PLEKHA6: variants seen among roughly 807,000 people sequenced by gnomAD.
PLEKHA6 encodes pleckstrin homology domain containing A6, also known as pleckstrin homology domain-containing family A member 6.
Under a neutral mutation model 116.7 loss-of-function variants are expected in PLEKHA6, and 60 were observed. The observed-to-expected ratio is 0.51, with a 90% CI of 0.42 to 0.64. The LOEUF is 0.64. Ranked by LOEUF, PLEKHA6 falls within the 30% of genes least tolerant of loss-of-function variation. The probability of loss-of-function intolerance (pLI) is 0.00; values close to 1 mark genes in which losing one functional copy is unlikely to be tolerated. For missense variants in PLEKHA6, 1,338 were observed against 1,422.7 expected (o/e 0.94, Z 0.96); for synonymous variants, 489 against 556.1 (o/e 0.88, Z 1.70).
At chr1:204,348,268 C>T (rs1415385767) in intron 1 of PLEKHA6, among the ~76,000 whole-genome samples, 2 of 152,240 alleles carry the variant, frequency 1.3e-5, no homozygotes, top group African/African-American at 4.8e-5. Flanking sequence ...CCCTCTGCAA[C>T]CTTCTCCTCA....
At chr1:204,255,877 C>T (rs139072284) in intron 9 of PLEKHA6, among the ~76,000 whole-genome samples, 63 of 152,280 alleles carry the variant, frequency 4.1e-4, no homozygotes, top group African/African-American at 1.4e-3. Flanking sequence ...CTCTACTGGA[C>T]ACTCCAGGAG....
intron 1 of PLEKHA6, among the ~76,000 whole-genome samples, chr1:204,357,688 G>A (rs1485272333): frequency 6.6e-6 from 1 of 152,242 alleles, no homozygotes; most frequent in Non-Finnish European, 1.5e-5. Context: ...ACAACAGGCA[G>A]TGAGGAAGAC....
chr1:204,323,997 T>G (rs1435924592), intron 1 of PLEKHA6, among the ~76,000 whole-genome samples: 1 of 152,170 alleles, frequency 6.6e-6, no homozygotes, highest in Non-Finnish European at 1.5e-5. Flanking sequence ...TCAATTCTAA[T>G]TACAAGCATA....
intron 1 of PLEKHA6, chr1:204,313,843 T>G: frequency 3.8e-6 from 1 of 263,840 alleles, no homozygotes; most frequent in Non-Finnish European, 5.9e-6. Context: ...TCCCCGGGGA[T>G]CCTCTTACAG....
chr1:204,291,533 A>G (rs1669753841), intron 1 of PLEKHA6, among the ~76,000 whole-genome samples: 1 of 152,252 alleles, frequency 6.6e-6, no homozygotes, highest in Admixed American at 6.5e-5. Context: ...TCAAATGTCC[A>G]TGAAAACCTG....
chr1:204,307,928 C>G (rs1159519853), intron 1 of PLEKHA6: 1 of 981,258 alleles, frequency 1.0e-6, no homozygotes, highest in Non-Finnish European at 1.2e-6. Flanking sequence ...AGCTTAAGAG[C>G]AGAGATTTTG....
intron 1 of PLEKHA6, among the ~76,000 whole-genome samples, chr1:204,374,223 G>T (rs1337992305): frequency 6.6e-6 from 1 of 152,192 alleles, no homozygotes; most frequent in Non-Finnish European, 1.5e-5. Context: ...GCACCGGGCT[G>T]ATGGGGGAAC....
Position 204,228,020 on chromosome 1 carries a change from C to T in PLEKHA6, c.3031+63G>A. 6.5e-7 allele frequency: 1 copy of T among 1,544,784 alleles called. No homozygotes were observed. Among genetic ancestry groups the T allele is most frequent in the South Asian group, 1.2e-5 (1 of 85,602 alleles). ...CCCCCCTTGTAGCAGTGCCACGCTTCCTCCCTTAAACCTGGTCAGCTGGTT... is the reference window on the plus strand; with the variant it reads ...CCCCCCTTGTAGCAGTGCCACGCTTTCTCCCTTAAACCTGGTCAGCTGGTT... On this transcript the variant is annotated intron_variant, in intron 21 of 22. Coordinates refer to ENST00000272203, the MANE Select transcript of PLEKHA6 (RefSeq NM_014935.5). This position sits in a 1 kb window ranked among gnomAD's most constrained non-coding sequence, Gnocchi z 4.0.
At chr1:204,356,584 T>TAA (rs201831151) in intron 1 of PLEKHA6, among the ~76,000 whole-genome samples, 2,228 of 127,592 alleles carry the variant, frequency 0.017, 64 homozygotes, top group African/African-American at 0.068. Flanking sequence ...AATAATAATA[T>TAA]TAATAATAAT....
intron 10 of PLEKHA6, 152 bp downstream of exon 10, chr1:204,250,394 G>C (rs1010932916): frequency 4.6e-6 from 3 of 645,982 alleles, no homozygotes; most frequent in Non-Finnish European, 8.4e-6. Flanking sequence ...GAGAAGACAT[G>C]AATCAAAGGT....
chr1:204,331,071 A>G (rs1672430427), intron 1 of PLEKHA6, among the ~76,000 whole-genome samples: 1 of 152,048 alleles, frequency 6.6e-6, no homozygotes, highest in Non-Finnish European at 1.5e-5. Flanking sequence ...TTGGCGGCGC[A>G]TGCCTCTAAT....
rs58973900 is a variant in PLEKHA6, at chr1:204,372,913, CTT to C, written c.84-1309_84-1308del. Among the ~76,000 whole-genome samples, 812 of 132,506 alleles carry C rather than the reference CTT, an allele frequency of 6.1e-3. 2 individuals carry two copies. The highest frequency in any genetic ancestry group is 0.012 in the Middle Eastern group (3 of 256). 86.9% of individuals were successfully genotyped at this position (132,506 alleles called of 152,430 possible). A position where few individuals can be genotyped will look rare whatever the true frequency, so the allele number is the denominator to read the frequency against. ...CAATCATACATCTTTCCCTGAAAAA[CTT>C]TTTTTTTTTTTTTTGACGGTCTCAC... On this transcript the variant is annotated intron_variant, in intron 1 of 4. Coordinates refer to the PLEKHA6 transcript ENST00000564627.
chr1:204,330,163 G>C (rs1295923313), intron 1 of PLEKHA6, among the ~76,000 whole-genome samples: 1 of 152,074 alleles, frequency 6.6e-6, no homozygotes, highest in Non-Finnish European at 1.5e-5. Flanking sequence ...CTTTACACTT[G>C]ATCTTAGCCA....
intron 1 of PLEKHA6, among the ~76,000 whole-genome samples, chr1:204,295,500 AAAC>A (rs1239982248): frequency 1.1e-4 from 16 of 151,538 alleles, no homozygotes; most frequent in African/African-American, 2.7e-4. Context: ...AAAAAAAAAA[AAAC>A]AAACAACAAA....
chr1:204,308,860 T>C (rs937540593), intron 1 of PLEKHA6, among the ~76,000 whole-genome samples: 1 of 151,506 alleles, frequency 6.6e-6, no homozygotes, highest in Non-Finnish European at 1.5e-5. Context: ...GGCTAATTTT[T>C]TTGTATTTTT....
At chr1:204,252,158 T>C (rs1664660703) in intron 9 of PLEKHA6, among the ~76,000 whole-genome samples, 1 of 147,176 alleles carries the variant, frequency 6.8e-6, no homozygotes, top group Non-Finnish European at 1.5e-5. Context: ...AGAGCTGGGC[T>C]GGCAGCATCC....
chr1:204,240,114 A>C (rs928487126), intron 17 of PLEKHA6, among the ~76,000 whole-genome samples: 32 of 152,246 alleles, frequency 2.1e-4, no homozygotes, highest in Non-Finnish European at 1.9e-4. Context: ...TGGACTATCA[A>C]GATGAAATCA....
rs776850238 is a variant in PLEKHA6, at chr1:204,247,354, C to A, written c.1920+11G>T. 2 of 1,567,686 alleles carry A rather than the reference C, an allele frequency of 1.3e-6. No individual in the cohort carries two copies. Among genetic ancestry groups the A allele is most frequent in the Non-Finnish European group, 1.8e-6 (2 of 1,138,356 alleles). On this transcript the variant is annotated intron_variant, in intron 13 of 22. Transcript: ENST00000272203. Reference sequence around the variant, plus strand: ...ATCCCAATCCCCGCCAGCTCAGGGGCCCTTCTTCACCTGGGTGTCCAAATT... The same window carrying A: ...ATCCCAATCCCCGCCAGCTCAGGGGACCTTCTTCACCTGGGTGTCCAAATT...
chr1:204,258,321 T>C (rs923137261), intron 8 of PLEKHA6, among the ~76,000 whole-genome samples: 1 of 152,168 alleles, frequency 6.6e-6, no homozygotes, highest in African/African-American at 2.4e-5. Context: ...TGGAATACAG[T>C]GGGGCCATCA....
Sources: allele counts gnomAD v4.1 joint callset (sites outside exome capture counted in the v4.1 genomes callset), GRCh38; gene constraint gnomAD v4.1.1; non-coding constraint Gnocchi (gnomAD v3.1); transcripts MANE v1.5; gene names NCBI Gene and HGNC (gene_info 2026-07-23, HGNC 2026-07-21).